Variants in SPART observed in about 807,000 individuals in gnomAD.
SPART encodes spartin.
A neutral mutation model predicts 58.7 loss-of-function variants in SPART; 35 were observed. That is an observed-to-expected ratio of 0.60 (90% confidence interval 0.46 to 0.79). SPART has a LOEUF of 0.79. SPART is among the 30% of genes least tolerant of loss of function. The probability of loss-of-function intolerance (pLI) is 0.00; values close to 1 mark genes in which losing one functional copy is unlikely to be tolerated. For synonymous variants in SPART, 284 were observed against 280.7 expected, an observed-to-expected ratio of 1.01 and a Z score of -0.12; for missense variants, 730 against 786.1, an observed-to-expected ratio of 0.93 and a Z score of 0.85.
intron 1 of SPART, among the ~76,000 whole-genome samples, chr13:36,362,352 C>A (rs1308437149): frequency 2.1e-3 from 243 of 117,898 alleles, no homozygotes; most frequent in African/African-American, 2.0e-3. Context: ...ACTTCCATCT[C>A]AAAAAAAAAA....
chr13:36,311,215 C>T lies in SPART; in HGVS notation c.1733+930G>A, dbSNP rs544169008. Among the ~76,000 whole-genome samples, 15 of 152,302 alleles carry T rather than the reference C, an allele frequency of 9.8e-5. No individual in the cohort carries two copies. In the East Asian group the frequency reaches 1.5e-3, roughly 16 times the overall value. ...GTGAAACGCACACTGAAAACATTCA[C>T]GAGATTTTTTCCTCTTGAGCCACAA... On this transcript the variant is annotated intron_variant, in intron 8 of 8. Coordinates refer to ENST00000438666, the MANE Select transcript of SPART (RefSeq NM_015087.5).
chr13:36,321,059 T>TC (rs1566118460), intron 5 of SPART, among the ~76,000 whole-genome samples: 1 of 152,178 alleles, frequency 6.6e-6, no homozygotes, highest in Non-Finnish European at 1.5e-5. Context: ...TTCAGGCCTG[T>TC]CCTCGGAATG....
chr13:36,337,281 T>C (rs1427189485), intron 1 of SPART, among the ~76,000 whole-genome samples: 1 of 152,222 alleles, frequency 6.6e-6, no homozygotes, highest in Non-Finnish European at 1.5e-5. Context: ...TGAATCATCC[T>C]TTTGTCCAGG....
In SPART at chr13:36,329,420, A is replaced by G; in HGVS notation, c.1106T>C (p.Val369Ala). ...CTTATTGCCTTGGTCCAACTGTTTC[A>G]CATCAGTGCCAGAGGCTTCTTTTAG... Reference protein sequence around the residue: ...DQLKEASGTDVKQLDQGNKDV... With the variant: ...DQLKEASGTDAKQLDQGNKDV... Residue 369 changes from valine to alanine, a missense_variant, in exon 4 of 9, where the codon GTG (valine) becomes GCG (alanine). Val to Ala is a moderately conservative substitution (Grantham distance 64, BLOSUM62 0). Transcript: ENST00000438666. 1.2e-6 allele frequency: 2 copies of G among 1,614,132 alleles called. No homozygotes were observed. The highest frequency in any genetic ancestry group is 1.7e-6 in the Non-Finnish European group (2 of 1,180,020).
chr13:36,349,147 T>C (rs9547395), upstream of SPART, among the ~76,000 whole-genome samples: 40,299 of 152,010 alleles, frequency 0.27, 5,662 homozygotes, highest in East Asian at 0.51. Flanking sequence ...CCTGTAATCC[T>C]AGCTACCCAA....
At chr13:36,331,313 G>T in intron 3 of SPART, 86 bp downstream of exon 3, 2 of 1,114,502 alleles carry the variant, frequency 1.8e-6, no homozygotes, top group Non-Finnish European at 2.7e-6. Flanking sequence ...CTTGATTACA[G>T]TAGAGGTTAT....
At chr13:36,359,922 T>TAAAA (rs1885774054) in intron 1 of SPART, among the ~76,000 whole-genome samples, 2 of 4,872 alleles carry the variant, frequency 4.1e-4, no homozygotes, top group African/African-American at 2.9e-3. Context: ...GGTTGTTAAT[T>TAAAA]TAAAAAAAAA....
chr13:36,314,737 G>T (rs934888867), intron 5 of SPART, among the ~76,000 whole-genome samples: 2 of 152,160 alleles, frequency 1.3e-5, no homozygotes, highest in Non-Finnish European at 2.9e-5. Flanking sequence ...TTACTGTTAG[G>T]TATTAATTTT....
At chr13:36,362,304 A>G (rs890849780) in intron 1 of SPART, among the ~76,000 whole-genome samples, 2 of 148,424 alleles carry the variant, frequency 1.3e-5, no homozygotes, top group African/African-American at 2.5e-5. Context: ...GTGAGCTGCA[A>G]TTACGCCACT....
In SPART at chr13:36,326,643, G is replaced by A. The variant is rs1882963044; in HGVS notation, c.1220C>T (p.Pro407Leu). The A allele has an allele frequency of 6.2e-7, 1 of 1,613,318 alleles. No homozygotes were observed. The highest frequency in any genetic ancestry group is 1.1e-5 in the South Asian group (1 of 91,050). The part of the protein sequence containing the change: ...VNLSHIVPCE[P>L]VPEEKPKELP... ...TTCTTTTGGCTTTTCTTCTGGAACT[G>A]GCTCACATGGTACAATGTGACTCAG... Residue 407 changes from proline (P) to leucine (L), a missense_variant, in exon 5 of 9, where the codon CCA becomes CTA. Physicochemically the swap from Pro to Leu is moderately conservative, Grantham distance 98. Transcript: ENST00000438666.
Position 36,325,080 on chromosome 13 carries a change from C to T in SPART, c.1288+1495G>A, listed in dbSNP as rs116855024. ...TTACTTCAGGCCATCTGGGCATATA[C>T]GTCAAGTCACCGCGGATGTGATGGC... On this transcript the variant is annotated intron_variant, in intron 5 of 8. Coordinates refer to ENST00000438666, the MANE Select transcript of SPART (RefSeq NM_015087.5). 2.4e-4 allele frequency among the ~76,000 whole-genome samples: 36 copies of T among 152,256 alleles called. No homozygotes were observed. The East Asian group carries it at 3.3e-3, about 14-fold the overall frequency.
intron 5 of SPART, among the ~76,000 whole-genome samples, chr13:36,325,245 G>A (rs1384144316): frequency 1.3e-5 from 2 of 152,126 alleles, no homozygotes; most frequent in Admixed American, 6.5e-5. Flanking sequence ...CTATAAAGTT[G>A]GGGGGTAGGG....
At chr13:36,340,399 G>T (rs941722153) in intron 1 of SPART, among the ~76,000 whole-genome samples, 1 of 151,654 alleles carries the variant, frequency 6.6e-6, no homozygotes, top group Non-Finnish European at 1.5e-5. Flanking sequence ...AAGAAAAAAA[G>T]ATTTCACACC....
chr13:36,325,645 T>C (rs1398158350), intron 5 of SPART, among the ~76,000 whole-genome samples: 2 of 152,186 alleles, frequency 1.3e-5, no homozygotes, highest in African/African-American at 2.4e-5. Context: ...TAAAAAGCTA[T>C]GTGAAATGTT....
rs570884857 is a variant in SPART, at chr13:36,335,145, T to C, written c.686A>G (p.Gln229Arg). 1 of 1,614,010 alleles carries C rather than the reference T, an allele frequency of 6.2e-7. No individual in the cohort carries two copies. The highest frequency in any genetic ancestry group is 8.5e-7 in the Non-Finnish European group (1 of 1,180,008). The change falls in exon 2 of 9, where the codon CAG becomes CGG. Residue 229 changes from glutamine to arginine, a missense_variant. Transcript: ENST00000438666. ...CCCTGCAGGATTTACAAAAAAAATC[T>C]GTACTCCATTTGGTATCAAAATCAA... ...DELILIPNGVQIFFVNPAGEV... is the reference protein window; with the variant it reads ...DELILIPNGVRIFFVNPAGEV...
At chr13:36,311,527 C>T (rs1881104499) in intron 8 of SPART, among the ~76,000 whole-genome samples, 1 of 151,926 alleles carries the variant, frequency 6.6e-6, no homozygotes, top group Non-Finnish European at 1.5e-5. Context: ...TTTTTTCAGG[C>T]AGATATCACC....
intron 8 of SPART, among the ~76,000 whole-genome samples, chr13:36,306,853 T>C (rs1192471336): frequency 6.6e-6 from 1 of 152,214 alleles, no homozygotes; most frequent in East Asian, 1.9e-4. Context: ...TATCATCAAC[T>C]TTCTCTTCTT....
intron 5 of SPART, among the ~76,000 whole-genome samples, chr13:36,324,788 A>C (rs1280574700): frequency 1.5e-4 from 23 of 152,208 alleles, no homozygotes; most frequent in Admixed American, 1.4e-3. Context: ...GAGTCAGCGA[A>C]GGGAGATAAG....
intron 1 of SPART, chr13:36,368,265 C>G: frequency 2.5e-6 from 1 of 402,002 alleles, no homozygotes; most frequent in Non-Finnish European, 5.2e-6. Context: ...GTCCTCTGCC[C>G]AAACCAGGCA....
Sources: gnomAD v4.1 joint callset for allele counts (sites outside exome capture counted in the v4.1 genomes callset) on GRCh38, gnomAD v4.1.1 for gene constraint, MANE v1.5 for transcripts, NCBI Gene and HGNC (gene_info 2026-07-23, HGNC 2026-07-21) for gene names.